TSPAN5: variants seen among roughly 807,000 people sequenced by gnomAD.
TSPAN5 encodes the protein tetraspanin-5.
TSPAN5 carries 10 observed loss-of-function variants against 37.1 expected under a neutral mutation model. The observed-to-expected ratio is 0.27, with a 90% confidence interval of 0.17 to 0.46. The LOEUF (loss-of-function observed/expected upper bound fraction) is 0.46. Ranked by LOEUF, TSPAN5 falls within the 20% of genes least tolerant of loss-of-function variation. TSPAN5 has a pLI of 1.00. For synonymous variants in TSPAN5, 110 were observed against 118.9 expected, an observed-to-expected ratio of 0.93 and a Z score of 0.48; for missense variants, 195 against 326.6, an observed-to-expected ratio of 0.60 and a Z score of 3.11.
intron 2 of TSPAN5, among the ~76,000 whole-genome samples, chr4:98,491,164 C>T (rs1008348248): frequency 3.3e-5 from 5 of 152,162 alleles, no homozygotes; most frequent in Non-Finnish European, 7.4e-5. Flanking sequence ...ATGTGCATTA[C>T]CTCACATAGT....
At chr4:98,653,546 G>C (rs999969066) in intron 1 of TSPAN5, among the ~76,000 whole-genome samples, 1 of 151,932 alleles carries the variant, frequency 6.6e-6, no homozygotes, top group African/African-American at 2.4e-5. Context: ...GAATCCATTT[G>C]CCTCATCTTC....
chr4:98,590,490 C>T (rs1560549768), intron 1 of TSPAN5, among the ~76,000 whole-genome samples: 1 of 152,032 alleles, frequency 6.6e-6, no homozygotes, highest in East Asian at 1.9e-4. Flanking sequence ...GTGGGCAGAT[C>T]ACGAGGTCAG....
At chr4:98,653,506 C>A (rs1757233961) in intron 1 of TSPAN5, among the ~76,000 whole-genome samples, 1 of 152,132 alleles carries the variant, frequency 6.6e-6, no homozygotes, top group Non-Finnish European at 1.5e-5. Flanking sequence ...CCATTGAGTT[C>A]TTTCCTAACA....
chr4:98,541,244 G>A (rs1197886278), intron 1 of TSPAN5, among the ~76,000 whole-genome samples: 1 of 152,196 alleles, frequency 6.6e-6, no homozygotes, highest in Admixed American at 6.5e-5. Context: ...CAGGAGAGAT[G>A]TGGATTTGAT....
At chr4:98,573,804 T>C (rs775150187) in intron 1 of TSPAN5, among the ~76,000 whole-genome samples, 2 of 152,160 alleles carry the variant, frequency 1.3e-5, no homozygotes, top group Non-Finnish European at 2.9e-5. Context: ...ATAAAAATTA[T>C]CCCAAAAATG....
At chr4:98,515,962 A>ATC (rs1753719454) in intron 1 of TSPAN5, among the ~76,000 whole-genome samples, 1 of 152,192 alleles carries the variant, frequency 6.6e-6, no homozygotes, top group African/African-American at 2.4e-5. Flanking sequence ...GTTTCTCTCC[A>ATC]TCAGGGCTTC....
rs1755058856 is a variant in TSPAN5, at chr4:98,568,647, C to A, written c.82-60919G>T. Among the ~76,000 whole-genome samples, 4 of 152,114 alleles carry A rather than the reference C, an allele frequency of 2.6e-5. No individual in the cohort carries two copies. The South Asian group carries it at 8.3e-4, about 32-fold the overall frequency. ...AAGAAATTTAGACTCCCACCAATAA[C>A]AGTTAGGGCTTAAAAGGGTTTTGAG... is the stretch of plus-strand genomic sequence containing the variant. On this transcript the variant is annotated intron_variant, in intron 1 of 7. Transcript: ENST00000305798.
At chr4:98,569,134 T>C (rs777912139) in intron 1 of TSPAN5, among the ~76,000 whole-genome samples, 1 of 152,182 alleles carries the variant, frequency 6.6e-6, no homozygotes, top group Non-Finnish European at 1.5e-5. Flanking sequence ...TTTTATTCCA[T>C]ACCAGCCAAG....
At chr4:98,551,026 GC>G (rs1423508794) in intron 1 of TSPAN5, among the ~76,000 whole-genome samples, 1 of 151,976 alleles carries the variant, frequency 6.6e-6, no homozygotes, top group Non-Finnish European at 1.5e-5. Flanking sequence ...GTCATATATG[GC>G]CTTTATTATG....
intron 1 of TSPAN5, among the ~76,000 whole-genome samples, chr4:98,561,618 G>A (rs758887192): frequency 6.6e-6 from 1 of 152,190 alleles, no homozygotes; most frequent in Non-Finnish European, 1.5e-5. Flanking sequence ...TGGTTGGGGT[G>A]GATATTCTTG....
chr4:98,615,068 C>A (rs1756290230), intron 1 of TSPAN5, among the ~76,000 whole-genome samples: 1 of 152,186 alleles, frequency 6.6e-6, no homozygotes, highest in Non-Finnish European at 1.5e-5. Flanking sequence ...AAAGAGTCAC[C>A]AACCCCCCAG....
At chr4:98,571,257 C>T (rs17027768) in intron 1 of TSPAN5, among the ~76,000 whole-genome samples, 1,927 of 152,074 alleles carry the variant, frequency 0.013, 46 homozygotes, top group African/African-American at 0.043. Context: ...TGTGAAGAAC[C>T]GCGTGGACCC....
intron 1 of TSPAN5, among the ~76,000 whole-genome samples, chr4:98,592,106 C>T (rs1017764522): frequency 1.2e-4 from 18 of 151,504 alleles, no homozygotes; most frequent in Non-Finnish European, 1.6e-4. Flanking sequence ...AAAAGATACA[C>T]TTTTCAATAA....
intron 1 of TSPAN5, among the ~76,000 whole-genome samples, chr4:98,568,862 T>C (rs1401783500): frequency 1.3e-5 from 2 of 152,064 alleles, no homozygotes; most frequent in Non-Finnish European, 2.9e-5. Flanking sequence ...TTGGTCAGAT[T>C]TGAAAGTGGA....
At chr4:98,496,211 G>T (rs1416913766) in intron 2 of TSPAN5, among the ~76,000 whole-genome samples, 1 of 152,180 alleles carries the variant, frequency 6.6e-6, no homozygotes, top group Non-Finnish European at 1.5e-5. Flanking sequence ...AACAAATAGA[G>T]ACCACAGGGC....
In TSPAN5 at chr4:98,491,546, C is replaced by T. The variant is rs181451766; in HGVS notation, c.133-4662G>A. Among the ~76,000 whole-genome samples the T allele has an allele frequency of 9.1e-4, 138 of 152,098 alleles. 1 individual carries two copies. Among genetic ancestry groups the T allele is most frequent in the Non-Finnish European group, 1.6e-3 (108 of 67,980 alleles). On this transcript the variant is annotated intron_variant, in intron 2 of 7. Coordinates refer to ENST00000305798, the MANE Select transcript of TSPAN5 (RefSeq NM_005723.4). ...CAACTAAAAATACACAAATGAGCTGCACGTGGTGGTACCTGCCTGTAATCC... is the reference window on the plus strand; with the variant it reads ...CAACTAAAAATACACAAATGAGCTGTACGTGGTGGTACCTGCCTGTAATCC...
At chr4:98,601,317 T>C (rs750183139) in intron 1 of TSPAN5, among the ~76,000 whole-genome samples, 12 of 152,234 alleles carry the variant, frequency 7.9e-5, no homozygotes, top group Non-Finnish European at 1.8e-4. Flanking sequence ...ATGAAAGTCT[T>C]GGATGGCATC....
intron 1 of TSPAN5, among the ~76,000 whole-genome samples, chr4:98,534,727 T>C (rs974807673): frequency 6.6e-6 from 1 of 152,238 alleles, no homozygotes; most frequent in Admixed American, 6.5e-5. Flanking sequence ...ATATTTAGGA[T>C]AGTTAGCTCT....
intron 4 of TSPAN5, among the ~76,000 whole-genome samples, chr4:98,480,197 G>A (rs1360546800): frequency 1.3e-5 from 2 of 151,942 alleles, no homozygotes; most frequent in Non-Finnish European, 2.9e-5. Context: ...ACAATAAATT[G>A]CACATTTTAA....
Sources: allele counts gnomAD v4.1 joint callset (sites outside exome capture counted in the v4.1 genomes callset), GRCh38; gene constraint gnomAD v4.1.1; transcripts MANE v1.5; gene names NCBI Gene and HGNC (gene_info 2026-07-23, HGNC 2026-07-21).